Variants in GABBR2 observed in about 807,000 individuals in gnomAD.
The protein encoded by GABBR2 is gamma-aminobutyric acid type B receptor subunit 2.
GABBR2 carries 23 observed loss-of-function variants against 105.6 expected under a neutral mutation model. That is an observed-to-expected ratio of 0.22 (90% CI 0.16 to 0.31). The LOEUF (loss-of-function observed/expected upper bound fraction) is 0.31. Among genes scored for constraint, GABBR2 ranks in the 10% least tolerant of loss-of-function variants. The pLI, the probability that GABBR2 is intolerant of heterozygous loss-of-function variation, is 1.00. For missense variants in GABBR2, 734 were observed against 1,245.5 expected, an observed-to-expected ratio of 0.59 and a Z score of 6.18; for synonymous variants, 478 against 499.7, an observed-to-expected ratio of 0.96 and a Z score of 0.58.
chr9:98,500,079 C>T lies in GABBR2; in HGVS notation c.631-3565G>A, dbSNP rs117454098. 3.7e-4 allele frequency among the ~76,000 whole-genome samples: 56 copies of T among 152,084 alleles called. 1 individual carries two copies. In the East Asian group the frequency reaches 8.9e-3, roughly 24 times the overall value. On this transcript the variant is annotated intron_variant, in intron 3 of 18. Transcript: ENST00000259455. ...AACAACAACAGCAACAACAAACAGACGAAAACAAAAAAAACTGGAGCCAAT... is the reference window on the plus strand; with the variant it reads ...AACAACAACAGCAACAACAAACAGATGAAAACAAAAAAAACTGGAGCCAAT...
chr9:98,567,745 G>C (rs937544007), intron 2 of GABBR2, among the ~76,000 whole-genome samples: 3 of 152,214 alleles, frequency 2.0e-5, no homozygotes, highest in African/African-American at 7.2e-5. Flanking sequence ...GTGAGGCTCT[G>C]AGGGGGCTGC....
chr9:98,426,406 G>T (rs896461987), intron 7 of GABBR2, among the ~76,000 whole-genome samples: 2 of 152,230 alleles, frequency 1.3e-5, no homozygotes, highest in East Asian at 1.9e-4. Flanking sequence ...GTATGCACAC[G>T]TGTGTGTTAG....
Position 98,427,063 on chromosome 9 carries a change from G to A in GABBR2, c.1237-20922C>T, listed in dbSNP as rs564293468. 2.0e-5 allele frequency among the ~76,000 whole-genome samples: 3 copies of A among 152,286 alleles called. No individual in the cohort carries two copies. The South Asian group carries it at 6.2e-4, about 32-fold the overall frequency. Reference sequence around the variant, plus strand: ...AAAAGGAAAGAGAAATGGAAGGCAGGGCTGCTGCTTTGATGGTCCCAGTGT... The same window carrying A: ...AAAAGGAAAGAGAAATGGAAGGCAGAGCTGCTGCTTTGATGGTCCCAGTGT... On this transcript the variant is annotated intron_variant, in intron 7 of 18. Transcript: ENST00000259455.
intron 15 of GABBR2, among the ~76,000 whole-genome samples, chr9:98,303,653 C>T (rs1382791562): frequency 6.6e-6 from 1 of 152,228 alleles, no homozygotes; most frequent in African/African-American, 2.4e-5. Context: ...CCTTCCTGGT[C>T]ACTAAGAGTC....
At chr9:98,483,176 T>C (rs1826965118) in intron 4 of GABBR2, among the ~76,000 whole-genome samples, 1 of 152,174 alleles carries the variant, frequency 6.6e-6, no homozygotes, top group African/African-American at 2.4e-5. Context: ...TGTCAGGAAC[T>C]TGGGAGTCAT....
At chr9:98,629,551 T>C (rs1829789651) in intron 1 of GABBR2, among the ~76,000 whole-genome samples, 1 of 152,226 alleles carries the variant, frequency 6.6e-6, no homozygotes, top group South Asian at 2.1e-4. Context: ...ATAGTAGACA[T>C]TGATGGTCTG....
At chr9:98,442,932 G>C (rs1826057159) in intron 7 of GABBR2, among the ~76,000 whole-genome samples, 1 of 152,160 alleles carries the variant, frequency 6.6e-6, no homozygotes, top group Admixed American at 6.5e-5. Context: ...CCTTACTTCA[G>C]TACGACCTCA....
chr9:98,354,442 C>T (rs1396189876), intron 13 of GABBR2, among the ~76,000 whole-genome samples: 1 of 152,240 alleles, frequency 6.6e-6, no homozygotes, highest in Non-Finnish European at 1.5e-5. Context: ...CTTCTTCCAA[C>T]ATAAGCCTGT....
chr9:98,438,571 G>A (rs980222303), intron 7 of GABBR2, among the ~76,000 whole-genome samples: 4 of 152,170 alleles, frequency 2.6e-5, no homozygotes, highest in African/African-American at 9.7e-5. Context: ...ATTCATGCAA[G>A]CGAATGAATT....
intron 1 of GABBR2, among the ~76,000 whole-genome samples, chr9:98,637,208 G>C (rs1829891033): frequency 6.6e-6 from 1 of 152,056 alleles, no homozygotes; most frequent in Non-Finnish European, 1.5e-5. Flanking sequence ...AGGCTGCCTG[G>C]TACGAAAGTC....
chr9:98,294,701 C>T (rs532570884), intron 17 of GABBR2, among the ~76,000 whole-genome samples: 2 of 152,298 alleles, frequency 1.3e-5, no homozygotes, highest in South Asian at 4.1e-4. Context: ...TGGTCTCGAA[C>T]TCCTGACCTC....
intron 2 of GABBR2, among the ~76,000 whole-genome samples, chr9:98,558,584 C>T (rs950013649): frequency 5.9e-5 from 9 of 152,318 alleles, no homozygotes; most frequent in African/African-American, 1.4e-4. Flanking sequence ...CGCTTCTCCA[C>T]ATTGCCTGCT....
chr9:98,588,769 G>A (rs7860298), intron 1 of GABBR2, among the ~76,000 whole-genome samples: 13,180 of 152,192 alleles, frequency 0.087, 1,531 homozygotes, highest in African/African-American at 0.27. Context: ...TGTGACCACC[G>A]AGTTTTGGGC....
intron 7 of GABBR2, among the ~76,000 whole-genome samples, chr9:98,427,849 T>C (rs1163232036): frequency 6.6e-6 from 1 of 152,080 alleles, no homozygotes; most frequent in African/African-American, 2.4e-5. Flanking sequence ...CTGAGTCCTG[T>C]TGATAGCCAG....
At chr9:98,614,322 G>C (rs1375821222) in intron 1 of GABBR2, among the ~76,000 whole-genome samples, 1 of 152,096 alleles carries the variant, frequency 6.6e-6, no homozygotes, top group African/African-American at 2.4e-5. Flanking sequence ...TCAGAAGTTC[G>C]AGACCAGCCT....
rs1433798800 is a variant in GABBR2 at position 98,362,474 on chromosome 9, A to G, written c.1893+241T>C. 4 of 256,670 alleles carry G rather than the reference A, an allele frequency of 1.6e-5. No homozygotes were observed. The East Asian group carries it at 2.7e-4, about 17-fold the overall frequency. The allele number at this position is 256,670 out of a possible 1,614,324, so 15.9% of individuals were successfully genotyped here. On this transcript the variant is annotated intron_variant, in intron 13 of 18. Transcript: ENST00000259455. Reference sequence around the variant, plus strand: ...GAAGGCTTCTACAATGCATAAGAATATACTCTTAAAAAGCCCAACATTTCC... The same window carrying G: ...GAAGGCTTCTACAATGCATAAGAATGTACTCTTAAAAAGCCCAACATTTCC...
chr9:98,594,716 T>C (rs1349821159), intron 1 of GABBR2, among the ~76,000 whole-genome samples: 1 of 152,144 alleles, frequency 6.6e-6, no homozygotes, highest in Admixed American at 6.5e-5. Context: ...GGGCAGCCCA[T>C]CCCCAGAGGT....
chr9:98,366,703 T>C (rs1564033232), intron 12 of GABBR2, among the ~76,000 whole-genome samples: 1 of 152,238 alleles, frequency 6.6e-6, no homozygotes, highest in Non-Finnish European at 1.5e-5. Flanking sequence ...GGCTGAGCTC[T>C]CCTGTCGTCT....
intron 11 of GABBR2, among the ~76,000 whole-genome samples, chr9:98,376,794 AG>A (rs954724167): frequency 6.6e-5 from 10 of 152,178 alleles, no homozygotes; most frequent in African/African-American, 2.4e-4. Flanking sequence ...GGAACGGTGC[AG>A]GGGGCAAAGG....
Sources: gnomAD v4.1 joint callset for allele counts (sites outside exome capture counted in the v4.1 genomes callset) on GRCh38, gnomAD v4.1.1 for gene constraint, MANE v1.5 for transcripts, NCBI Gene and HGNC (gene_info 2026-07-23, HGNC 2026-07-21) for gene names.